The following DLGAP1 variants were observed in gnomAD, a reference collection of about 807,000 sequenced individuals.
DLGAP1 encodes disks large-associated protein 1.
DLGAP1 carries 11 observed loss-of-function variants against 90.8 expected under a neutral mutation model. That is an observed-to-expected ratio of 0.12 (90% CI 0.08 to 0.20). The LOEUF is 0.20. Ranked by LOEUF, DLGAP1 falls within the 10% of genes least tolerant of loss-of-function variation. DLGAP1 has a pLI of 1.00. For missense variants in DLGAP1, 1,050 were observed against 1,333.8 expected (o/e 0.79, Z 3.31); for synonymous variants, 558 against 540.7 (o/e 1.03, Z -0.44).
intron 8 of DLGAP1, chr18:3,580,538 G>A: frequency 1.3e-6 from 2 of 1,597,994 alleles, no homozygotes; most frequent in Non-Finnish European, 1.7e-6. Context: ...AGCGGAGATG[G>A]CAGTGGAGGT....
At chr18:4,131,372 C>T (rs192615248) in intron 2 of DLGAP1, among the ~76,000 whole-genome samples, 1 of 152,108 alleles carries the variant, frequency 6.6e-6, no homozygotes, top group East Asian at 1.9e-4. Flanking sequence ...GTAAAACATG[C>T]GAAGAACTGT....
chr18:4,075,057 A>G (rs1031859850), intron 2 of DLGAP1, among the ~76,000 whole-genome samples: 14 of 152,202 alleles, frequency 9.2e-5, no homozygotes, highest in Non-Finnish European at 2.1e-4. Context: ...TCTTGACAGT[A>G]AAATGACTTA....
In DLGAP1 at chr18:3,896,475, G is replaced by A. The variant is rs554117400; in HGVS notation, c.-72-16335C>T. Reference sequence around the variant, plus strand: ...ATATTGTCTCGTTTTAATACAAGAAGACTCATCCAGCTTAAACATTTGATG... The same window carrying A: ...ATATTGTCTCGTTTTAATACAAGAAAACTCATCCAGCTTAAACATTTGATG... On this transcript the variant is annotated intron_variant, in intron 3 of 12. Transcript: ENST00000315677. The A allele has an allele frequency of 1.2e-4, 19 of 152,298 alleles. No individual in the cohort carries two copies. In the East Asian group the frequency reaches 3.3e-3, roughly 26 times the overall value. The allele number at this position is 152,298 out of a possible 1,614,324, so 9.4% of individuals were successfully genotyped here.
intron 4 of DLGAP1, among the ~76,000 whole-genome samples, chr18:3,877,369 C>T (rs775352034): frequency 3.7e-4 from 56 of 152,298 alleles, no homozygotes; most frequent in African/African-American, 1.3e-3. Context: ...AAGGCTTATG[C>T]TAGATCCATA....
intron 3 of DLGAP1, among the ~76,000 whole-genome samples, chr18:3,880,970 AAAAG>A (rs1446365083): frequency 6.6e-6 from 1 of 151,050 alleles, no homozygotes; most frequent in African/African-American, 2.4e-5. Flanking sequence ...AAAAAAAAGA[AAAAG>A]AAAACTAGGA....
chr18:3,720,482 T>C (rs1260753235), intron 7 of DLGAP1, among the ~76,000 whole-genome samples: 1 of 152,150 alleles, frequency 6.6e-6, no homozygotes, highest in Non-Finnish European at 1.5e-5. Flanking sequence ...TCAAGGACAC[T>C]TGGCAGCAGG....
chr18:3,766,714 T>C (rs1056434593), intron 5 of DLGAP1, among the ~76,000 whole-genome samples: 7 of 151,994 alleles, frequency 4.6e-5, no homozygotes, highest in African/African-American at 1.7e-4. Flanking sequence ...AATGCAAAGC[T>C]TAATAAGCCA....
chr18:3,527,344 T>A (rs1173616344), intron 10 of DLGAP1, among the ~76,000 whole-genome samples: 1 of 150,966 alleles, frequency 6.6e-6, no homozygotes, highest in African/African-American at 2.4e-5. Context: ...GAAAGATGAT[T>A]ACAACTACCC....
chr18:3,718,761 A>G lies in DLGAP1; in HGVS notation c.1591+10374T>C, dbSNP rs184184531. Among the ~76,000 whole-genome samples, 6 of 152,200 alleles carry G rather than the reference A, an allele frequency of 3.9e-5. No homozygotes were observed. The East Asian group carries it at 1.2e-3, about 30-fold the overall frequency. ...GCCAACATGGTGAAACCCTGTCTCTAGTAAAAATACAAAAATTAGCTGGGT... is the reference window on the plus strand; with the variant it reads ...GCCAACATGGTGAAACCCTGTCTCTGGTAAAAATACAAAAATTAGCTGGGT... On this transcript the variant is annotated intron_variant, in intron 7 of 12. Transcript: ENST00000315677.
chr18:3,515,193 G>A (rs542399712), intron 10 of DLGAP1, among the ~76,000 whole-genome samples: 9 of 152,170 alleles, frequency 5.9e-5, no homozygotes, highest in Admixed American at 5.2e-4. Flanking sequence ...TCAAGGGGCC[G>A]GGCGCGGTGG....
chr18:3,875,133 T>C (rs76321471), intron 4 of DLGAP1, among the ~76,000 whole-genome samples: 3,316 of 152,310 alleles, frequency 0.022, 86 homozygotes, highest in Non-Finnish European at 0.031. Flanking sequence ...TAATCAGTTG[T>C]TTCATTGTTA....
chr18:3,631,251 T>C (rs565804732), intron 7 of DLGAP1, among the ~76,000 whole-genome samples: 101 of 152,284 alleles, frequency 6.6e-4, no homozygotes, highest in African/African-American at 2.3e-3. Flanking sequence ...TCCAAAGTGC[T>C]GGCATTACAG....
At chr18:4,053,401 T>G (rs1220434298) in intron 2 of DLGAP1, among the ~76,000 whole-genome samples, 5 of 152,162 alleles carry the variant, frequency 3.3e-5, no homozygotes, top group African/African-American at 4.8e-5. Context: ...AAGAACAGAT[T>G]GGAAGGTAAC....
At chr18:3,535,072 C>CTCTG (rs901637409) in intron 9 of DLGAP1, among the ~76,000 whole-genome samples, 28 of 144,758 alleles carry the variant, frequency 1.9e-4, no homozygotes, top group African/African-American at 7.2e-4. Flanking sequence ...TCAATCTTCT[C>CTCTG]TGTGTGTGTG....
chr18:3,805,890 C>T (rs945097019), intron 5 of DLGAP1, among the ~76,000 whole-genome samples: 1 of 152,188 alleles, frequency 6.6e-6, no homozygotes, highest in Non-Finnish European at 1.5e-5. Flanking sequence ...CTTAGAAGTT[C>T]CTCCTTGCAG....
intron 4 of DLGAP1, among the ~76,000 whole-genome samples, chr18:3,851,930 G>A (rs549961392): frequency 4.6e-5 from 7 of 152,016 alleles, no homozygotes; most frequent in East Asian, 3.9e-4. Flanking sequence ...GGGAACTGGC[G>A]GAATTGAAGG....
At chr18:3,541,398 T>C (rs2052685009) in intron 9 of DLGAP1, among the ~76,000 whole-genome samples, 1 of 152,102 alleles carries the variant, frequency 6.6e-6, no homozygotes, top group East Asian at 1.9e-4. Flanking sequence ...AAAACTCAGG[T>C]GTACAGTAAG....
intron 1 of DLGAP1, among the ~76,000 whole-genome samples, chr18:4,306,033 TACACACACACACACACAC>T (rs3041181): frequency 3.5e-5 from 5 of 142,204 alleles, no homozygotes; most frequent in Admixed American, 3.5e-4. Flanking sequence ...CACACACAAA[TACACACACACACACACAC>T]ACACACACAC....
chr18:3,874,261 C>T, intron 4 of DLGAP1: 1 of 1,549,780 alleles, frequency 6.5e-7, no homozygotes, highest in Non-Finnish European at 8.7e-7. Flanking sequence ...TCTGGGAGTG[C>T]TTTCCTTCTC....
Sources: gnomAD v4.1 joint callset for allele counts (sites outside exome capture counted in the v4.1 genomes callset) on GRCh38, gnomAD v4.1.1 for gene constraint, MANE v1.5 for transcripts, NCBI Gene and HGNC (gene_info 2026-07-23, HGNC 2026-07-21) for gene names.